Variants in ZNF326 observed in about 807,000 individuals in gnomAD.
ZNF326 encodes DBIRD complex subunit ZNF326.
A neutral mutation model predicts 63.1 loss-of-function variants in ZNF326; 30 were observed. The ratio of observed to expected loss-of-function variants is 0.48; its 90% CI spans 0.36 to 0.64. ZNF326 has a LOEUF of 0.64. ZNF326 is among the 30% of genes least tolerant of loss of function. The pLI is 0.00. For missense variants in ZNF326, 609 were observed against 720.3 expected (o/e 0.85, Z 1.77); for synonymous variants, 194 against 228.2 (o/e 0.85, Z 1.35).
At chr1:89,995,377 C>T (rs892989701) in intron 1 of ZNF326, 104 bp downstream of exon 1, 8 of 1,407,422 alleles carry the variant, frequency 5.7e-6, no homozygotes, top group South Asian at 2.8e-5. Context: ...CTTTGTTCTG[C>T]GGGCCCGGAG....
In ZNF326 at chr1:90,027,378, G is replaced by A. The variant is rs752872448; in HGVS notation, c.1426G>A (p.Asp476Asn). The A allele has an allele frequency of 6.2e-7, 1 of 1,613,816 alleles. No individual in the cohort carries two copies. The highest frequency in any genetic ancestry group is 2.2e-5 in the East Asian group (1 of 44,834). The change falls in exon 12 of 12, where the codon GAC becomes AAC. Residue 476 changes from aspartate to asparagine, a missense_variant. By Grantham distance (23) the Asp-to-Asn change is conservative (BLOSUM62 1). This residue lies in a region of ZNF326 where 399 missense variants were observed against 444.3 expected (regional missense o/e 0.90). Coordinates refer to ENST00000340281, the MANE Select transcript of ZNF326 (RefSeq NM_182976.4). ...GGGTGAGAATCCTTTTGAAATTCAAGACCATTCTCAGGATCAGCAAATAGA... is the reference window on the plus strand; with the variant it reads ...GGGTGAGAATCCTTTTGAAATTCAAAACCATTCTCAGGATCAGCAAATAGA... The part of the protein sequence containing the change: ...VKGENPFEIQ[D>N]HSQDQQIEGD...
intron 5 of ZNF326, among the ~76,000 whole-genome samples, chr1:90,009,636 A>G (rs1313316207): frequency 6.6e-6 from 1 of 152,030 alleles, no homozygotes; most frequent in East Asian, 1.9e-4. Flanking sequence ...TGATTTCTGG[A>G]TCTTTTTTAC....
intron 2 of ZNF326, among the ~76,000 whole-genome samples, chr1:89,998,868 C>T (rs1211651082): frequency 1.3e-5 from 2 of 152,134 alleles, no homozygotes; most frequent in South Asian, 2.1e-4. Context: ...ATCCAACTTT[C>T]GTACAGAATA....
At chr1:90,021,149 C>T (rs1649753303) in intron 10 of ZNF326, among the ~76,000 whole-genome samples, 1 of 152,014 alleles carries the variant, frequency 6.6e-6, no homozygotes, top group South Asian at 2.1e-4. Flanking sequence ...AGCAAGTTAA[C>T]CTTTCTTTGT....
At position 90,018,762 on chromosome 1, in the gene ZNF326, A is replaced by C. The variant is rs138813655; in HGVS notation, c.1152A>C (p.Ile384=). 6.4e-5 allele frequency: 100 copies of C among 1,555,378 alleles called. No homozygotes were observed. The highest frequency in any genetic ancestry group is 8.3e-5 in the Non-Finnish European group (95 of 1,144,868). The part of the protein sequence containing the change: ...QTNNQTEVVK[I]IEKDVMEGVT... ...ATAATCAAACAGAAGTAGTTAAAATAATTGAAAAAGATGTTATGGAAGGTA... is the reference window on the plus strand; with the variant it reads ...ATAATCAAACAGAAGTAGTTAAAATCATTGAAAAAGATGTTATGGAAGGTA... The change falls in exon 9 of 12, where the codon ATA becomes ATC. Residue 384 remains isoleucine (I), a synonymous_variant. Coordinates refer to ENST00000340281, the MANE Select transcript of ZNF326 (RefSeq NM_182976.4).
At chr1:90,008,164 C>T (rs1230082570) in intron 5 of ZNF326, among the ~76,000 whole-genome samples, 1 of 152,190 alleles carries the variant, frequency 6.6e-6, no homozygotes, top group Non-Finnish European at 1.5e-5. Flanking sequence ...TGTGGCTAAA[C>T]TCTAGCAAGT....
chr1:90,017,458 T>C lies in ZNF326; in HGVS notation c.1068T>C (p.Phe356=), dbSNP rs1649557095. 1 of 1,581,782 alleles carries C rather than the reference T, an allele frequency of 6.3e-7. No individual in the cohort carries two copies. The highest frequency in any genetic ancestry group is 1.2e-5 in the South Asian group (1 of 83,030). Residue 356 remains phenylalanine (F), a synonymous_variant, in exon 8 of 12, where the codon TTT becomes TTC. Transcript: ENST00000340281. ...AATTTGATAAAGTAGTTATGGAGTTTTTGCATGTGAGTAGCTGTTTTTGAA... is the reference window on the plus strand; with the variant it reads ...AATTTGATAAAGTAGTTATGGAGTTCTTGCATGTGAGTAGCTGTTTTTGAA... ...QTKFDKVVME[F]LHECMVNKFK...
chr1:90,027,863 T>A lies in ZNF326; in HGVS notation c.*162T>A. On this transcript the variant is annotated 3_prime_UTR_variant, in exon 12 of 12. Transcript: ENST00000340281. ...TTCTAAATGTTTAACATTTGTTTAATAAAATGAAGGCAAAACTATTTTAGT... is the reference window on the plus strand; with the variant it reads ...TTCTAAATGTTTAACATTTGTTTAAAAAAATGAAGGCAAAACTATTTTAGT... The A allele has an allele frequency of 1.5e-6, 1 of 669,056 alleles. No homozygotes were observed. The highest frequency in any genetic ancestry group is 2.4e-6 in the Non-Finnish European group (1 of 408,586). 41.4% of individuals were successfully genotyped at this position (669,056 alleles called of 1,614,324 possible). A position where few individuals can be genotyped will look rare whatever the true frequency, so the allele number is the denominator to read the frequency against.
At chr1:90,022,176 A>G (rs1649801902) in intron 10 of ZNF326, 74 bp from the exon 11 acceptor site, 3 of 1,087,374 alleles carry the variant, frequency 2.8e-6, no homozygotes, top group Non-Finnish European at 4.1e-6. Flanking sequence ...TGAGCATGAA[A>G]TGCTGTTTTA....
At chr1:90,019,441 G>T (rs2772333) in intron 9 of ZNF326, among the ~76,000 whole-genome samples, 17,940 of 152,038 alleles carry the variant, frequency 0.12, 2,420 homozygotes, top group African/African-American at 0.33. Flanking sequence ...TAGGTTCTTT[G>T]GAATCATTAT....
intron 1 of ZNF326, among the ~76,000 whole-genome samples, chr1:89,996,670 C>T (rs963212779): frequency 6.6e-6 from 1 of 150,600 alleles, no homozygotes; most frequent in Non-Finnish European, 1.5e-5. Flanking sequence ...ACCCGGGAGG[C>T]GAAGGTTGCA....
intron 2 of ZNF326, among the ~76,000 whole-genome samples, chr1:90,002,228 A>G (rs942294972): frequency 1.3e-5 from 2 of 152,322 alleles, no homozygotes; most frequent in Middle Eastern, 3.4e-3. Context: ...TGAACAATCA[A>G]ACAGAATCAT....
intron 8 of ZNF326, among the ~76,000 whole-genome samples, chr1:90,017,709 A>G (rs1349756658): frequency 6.6e-6 from 1 of 152,200 alleles, no homozygotes; most frequent in Non-Finnish European, 1.5e-5. Flanking sequence ...TAACAACTGT[A>G]TTGATGTGGA....
chr1:90,035,272 A>G lies in ZNF326; in HGVS notation c.*7571A>G, dbSNP rs971412077. 4 of 152,238 alleles carry G rather than the reference A, an allele frequency of 2.6e-5. No individual in the cohort carries two copies. Among genetic ancestry groups the G allele is most frequent in the African/African-American group, 9.6e-5 (4 of 41,460 alleles). 9.4% of individuals were successfully genotyped at this position (152,238 alleles called of 1,614,324 possible). ...TTTGAGCAGTGTGATTGTAGAGACA[A>G]ACATCCAAGAGAAACAGTTGAAAAA... On this transcript the variant is annotated 3_prime_UTR_variant, in exon 12 of 12. Transcript: ENST00000340281.
chr1:90,004,537 A>G (rs1380495402), intron 2 of ZNF326, among the ~76,000 whole-genome samples: 3 of 152,166 alleles, frequency 2.0e-5, no homozygotes, highest in Admixed American at 1.3e-4. Flanking sequence ...CCCTAGTCCA[A>G]CAAATATTGG....
intron 1 of ZNF326, among the ~76,000 whole-genome samples, chr1:89,997,782 ATAATT>A (rs965245325): frequency 2.6e-5 from 4 of 152,248 alleles, no homozygotes; most frequent in Non-Finnish European, 4.4e-5. Flanking sequence ...TATTTGATAC[ATAATT>A]TAATCTATCT....
chr1:90,011,786 A>G (rs1649258972), intron 6 of ZNF326, among the ~76,000 whole-genome samples: 1 of 152,190 alleles, frequency 6.6e-6, no homozygotes, highest in Admixed American at 6.5e-5. Context: ...ACTTCTAGGT[A>G]TTCTTCTATT....
rs1650261621 is a variant in ZNF326 at position 90,031,324 on chromosome 1, A to C, written c.*3623A>C. The C allele has an allele frequency of 6.6e-6, 1 of 152,254 alleles. No homozygotes were observed. Among genetic ancestry groups the C allele is most frequent in the African/African-American group, 2.4e-5 (1 of 41,468 alleles). 9.4% of individuals were successfully genotyped at this position (152,254 alleles called of 1,614,324 possible). On this transcript the variant is annotated 3_prime_UTR_variant, in exon 12 of 12. Coordinates refer to ENST00000340281, the MANE Select transcript of ZNF326 (RefSeq NM_182976.4). ...GAAAAGAACTACAAAGGTAAATGTT[A>C]GTGCATGTTGAAATGTATTTAAGAA...
Position 90,032,878 on chromosome 1 carries a change from T to C in ZNF326, c.*5177T>C. On this transcript the variant is annotated 3_prime_UTR_variant, in exon 12 of 12. Coordinates refer to ENST00000340281, the MANE Select transcript of ZNF326 (RefSeq NM_182976.4). The stretch of plus-strand genomic sequence containing the variant: ...GAGCATATAATGCAGAGCATACAAA[T>C]AGGGGCCATCGAAGTGTGGCAATGC... 1 of 152,228 alleles carries C rather than the reference T, an allele frequency of 6.6e-6. No homozygotes were observed. The highest frequency in any genetic ancestry group is 1.9e-4 in the East Asian group (1 of 5,204). The allele number at this position is 152,228 out of a possible 1,614,324, so 9.4% of individuals were successfully genotyped here.
Sources: gnomAD v4.1 joint callset for allele counts (sites outside exome capture counted in the v4.1 genomes callset) on GRCh38, gnomAD v4.1.1 for gene constraint, gnomAD v4.1.1 regional missense constraint, MANE v1.5 for transcripts, NCBI Gene and HGNC (gene_info 2026-07-23, HGNC 2026-07-21) for gene names.